Variants in CSMD1 observed in about 807,000 individuals in gnomAD.
CSMD1 encodes CUB and sushi domain-containing protein 1.
In CSMD1, 213 loss-of-function variants were observed where a neutral mutation model predicts 417.5. That is an observed-to-expected ratio of 0.51 (90% CI 0.46 to 0.57). The LOEUF (loss-of-function observed/expected upper bound fraction) is 0.57, where lower values mean the gene tolerates loss of function less well. Among genes scored for constraint, CSMD1 ranks in the 20% least tolerant of loss-of-function variants. The pLI is 0.00. For missense variants in CSMD1, 6,923 were observed against 4,529.7 expected, an observed-to-expected ratio of 1.53 and a Z score of -15.17; for synonymous variants, 2,862 against 1,736.8, an observed-to-expected ratio of 1.65 and a Z score of -16.11.
intron 25 of CSMD1, among the ~76,000 whole-genome samples, chr8:3,303,945 C>A (rs899210579): frequency 8.0e-5 from 6 of 74,822 alleles, no homozygotes; most frequent in African/African-American, 2.5e-4. Context: ...GGGTATTGCG[C>A]CCCATTATAA....
chr8:3,652,983 A>G (rs768372700), intron 7 of CSMD1, among the ~76,000 whole-genome samples: 1 of 152,148 alleles, frequency 6.6e-6, no homozygotes, highest in Non-Finnish European at 1.5e-5. Flanking sequence ...TATAATTAGC[A>G]TTGTCTGCAC....
chr8:3,196,034 T>C (rs1258450659), intron 33 of CSMD1, among the ~76,000 whole-genome samples: 1 of 152,044 alleles, frequency 6.6e-6, no homozygotes, highest in Non-Finnish European at 1.5e-5. Flanking sequence ...CGGCACAAGG[T>C]ATAGATCACA....
chr8:4,312,773 C>G (rs577362026), intron 3 of CSMD1, among the ~76,000 whole-genome samples: 2 of 152,194 alleles, frequency 1.3e-5, no homozygotes, highest in Admixed American at 6.5e-5. Context: ...ACTCCGGAGG[C>G]TGAAGCAGGA....
chr8:3,639,426 G>GA, intron 7 of CSMD1, among the ~76,000 whole-genome samples: 1 of 152,238 alleles, frequency 6.6e-6, no homozygotes, highest in African/African-American at 2.4e-5. Flanking sequence ...AACTTATGCT[G>GA]AAAAAACATC....
At chr8:3,915,269 G>A (rs966059267) in intron 5 of CSMD1, among the ~76,000 whole-genome samples, 1 of 151,952 alleles carries the variant, frequency 6.6e-6, no homozygotes, top group Admixed American at 6.6e-5. Context: ...ATCTGGGCAT[G>A]GTAGTGTGTG....
chr8:4,716,470 A>G lies in CSMD1; in HGVS notation c.86-78912T>C, dbSNP rs116136486. On this transcript the variant is annotated intron_variant, in intron 1 of 69. Transcript: ENST00000635120. The stretch of plus-strand genomic sequence containing the variant: ...GAAAAACAGAATTTTTCAGTTATTA[A>G]TAGAAGGTTTTTAAAGTATTCATAA... Among the ~76,000 whole-genome samples, 1,285 of 152,338 alleles carry G rather than the reference A, an allele frequency of 8.4e-3. 18 individuals carry two copies. Among genetic ancestry groups the G allele is most frequent in the African/African-American group, 0.028 (1,161 of 41,576 alleles).
chr8:4,197,018 A>G (rs1029495678), intron 3 of CSMD1, among the ~76,000 whole-genome samples: 20 of 152,216 alleles, frequency 1.3e-4, no homozygotes, highest in African/African-American at 4.3e-4. Context: ...TTTTAATGTG[A>G]AAATATTTCC....
At chr8:4,785,604 G>A (rs1585094812) in intron 1 of CSMD1, among the ~76,000 whole-genome samples, 1 of 152,042 alleles carries the variant, frequency 6.6e-6, no homozygotes, top group South Asian at 2.1e-4. Flanking sequence ...GACTTCAGGG[G>A]GCTCTGAGAA....
At chr8:4,254,810 C>A (rs755374747) in intron 3 of CSMD1, among the ~76,000 whole-genome samples, 1 of 152,080 alleles carries the variant, frequency 6.6e-6, no homozygotes, top group Non-Finnish European at 1.5e-5. Flanking sequence ...AGGCTGCACC[C>A]CAGAGCCTAG....
At chr8:4,616,982 T>C (rs765666568) in intron 2 of CSMD1, among the ~76,000 whole-genome samples, 3 of 152,132 alleles carry the variant, frequency 2.0e-5, no homozygotes, top group Non-Finnish European at 4.4e-5. Context: ...TTTTACCTAA[T>C]AGATTCCTTA....
chr8:4,584,931 T>G (rs910975376), intron 2 of CSMD1, among the ~76,000 whole-genome samples: 5 of 152,100 alleles, frequency 3.3e-5, no homozygotes, highest in Non-Finnish European at 7.4e-5. Context: ...ATTAAGGAGA[T>G]CAGCCCCAGT....
intron 51 of CSMD1, among the ~76,000 whole-genome samples, chr8:3,025,074 G>T (rs1327532860): frequency 6.6e-6 from 1 of 151,198 alleles, no homozygotes; most frequent in Non-Finnish European, 1.5e-5. Context: ...CTAAAACTGT[G>T]TATTGTGTGG....
rs143525869 is a variant in CSMD1, at chr8:4,766,218, G to C, written c.86-128660C>G. On this transcript the variant is annotated intron_variant, in intron 1 of 69. Coordinates refer to ENST00000635120, the MANE Select transcript of CSMD1 (RefSeq NM_033225.6). ...TTGCCTACTAACAGAGCATGTGCTG[G>C]TGCGTTGGCAACAAGTGGAATGAGG... Among the ~76,000 whole-genome samples the C allele has an allele frequency of 3.3e-3, 510 of 152,280 alleles. 2 individuals are homozygous for C. Among genetic ancestry groups the C allele is most frequent in the Non-Finnish European group, 5.1e-3 (350 of 68,024 alleles).
At chr8:4,474,757 T>C in intron 2 of CSMD1, among the ~76,000 whole-genome samples, 1 of 152,072 alleles carries the variant, frequency 6.6e-6, no homozygotes, top group South Asian at 2.1e-4. Flanking sequence ...ATACCACACC[T>C]CCTGTTTCTC....
At chr8:4,527,460 T>C (rs1248189313) in intron 2 of CSMD1, among the ~76,000 whole-genome samples, 1 of 152,188 alleles carries the variant, frequency 6.6e-6, no homozygotes, top group African/African-American at 2.4e-5. Context: ...GCAGATCCTG[T>C]TTGCAAAGTT....
chr8:3,980,052 C>G (rs529742517), intron 5 of CSMD1, among the ~76,000 whole-genome samples: 2 of 152,314 alleles, frequency 1.3e-5, no homozygotes, highest in East Asian at 1.9e-4. Context: ...TTTTAAATGA[C>G]AGACTCACAC....
chr8:3,912,149 TA>T (rs1446023495), intron 5 of CSMD1, among the ~76,000 whole-genome samples: 1 of 152,226 alleles, frequency 6.6e-6, no homozygotes, highest in Non-Finnish European at 1.5e-5. Context: ...TTAACCTGAT[TA>T]ATGGGAACTT....
At chr8:4,356,244 T>A (rs769234057) in intron 3 of CSMD1, among the ~76,000 whole-genome samples, 1 of 152,136 alleles carries the variant, frequency 6.6e-6, no homozygotes, top group Non-Finnish European at 1.5e-5. Context: ...CTTAGAACAA[T>A]TGTCTCCAAT....
At position 4,837,031 on chromosome 8, in the gene CSMD1, G is replaced by C. The variant is rs115237043; in HGVS notation, c.85+157301C>G. ...ACAGGGCTCTGGCCTTGATGTTGTT[G>C]TTGTTGTTAAGAGACCACCCATAAG... On this transcript the variant is annotated intron_variant, in intron 1 of 69. Transcript: ENST00000635120. 3.3e-5 allele frequency among the ~76,000 whole-genome samples: 5 copies of C among 149,508 alleles called. No individual in the cohort carries two copies. The East Asian group carries it at 5.8e-4, about 17-fold the overall frequency.
Sources: gnomAD v4.1 joint callset for allele counts (sites outside exome capture counted in the v4.1 genomes callset) on GRCh38, gnomAD v4.1.1 for gene constraint, MANE v1.5 for transcripts, NCBI Gene and HGNC (gene_info 2026-07-23, HGNC 2026-07-21) for gene names.